FIG4: variants seen among roughly 807,000 people sequenced by gnomAD.
The protein encoded by FIG4 is FIG4 phosphoinositide 5-phosphatase.
FIG4 carries 112 observed loss-of-function variants against 118.6 expected under a neutral mutation model. The observed-to-expected ratio is 0.94, with a 90% confidence interval of 0.81 to 1.11. FIG4 has a LOEUF of 1.11. FIG4 is among the 50% of genes least tolerant of loss of function. The probability of loss-of-function intolerance (pLI) is 0.00; values close to 1 mark genes in which losing one functional copy is unlikely to be tolerated. For missense variants in FIG4, 969 were observed against 1,111.7 expected (o/e 0.87, Z 1.83); for synonymous variants, 369 against 381.2 (o/e 0.97, Z 0.37).
At chr6:109,707,788 C>A (rs1000361638) in intron 1 of FIG4, among the ~76,000 whole-genome samples, 1 of 151,938 alleles carries the variant, frequency 6.6e-6, no homozygotes, top group Non-Finnish European at 1.5e-5. Context: ...TTGATTATGG[C>A]AGTGTTTTCT....
chr6:109,782,747 C>T (rs912841715), intron 16 of FIG4, among the ~76,000 whole-genome samples: 1 of 152,202 alleles, frequency 6.6e-6, no homozygotes, highest in African/African-American at 2.4e-5. Context: ...TTTCATTCCC[C>T]TGATCTGACA....
rs750371012 is a variant in FIG4, at chr6:109,791,549, G to C, written c.2354G>C (p.Gly785Ala). Reference protein sequence around the residue: ...RSTPVKMTDAGDSAKVTENVV... With the variant: ...RSTPVKMTDAADSAKVTENVV... ...ACTCCCGTGAAGATGACTGATGCAG[G>C]AGACAGTGCCAAAGTGACCGAGGTG... The change falls in exon 20 of 23, where the codon GGA (glycine) becomes GCA (alanine). Residue 785 changes from glycine (G) to alanine (A), a missense_variant. Around this residue, in one of 3 missense-constraint regions of FIG4, gnomAD observed 330 missense variants for 348.1 expected, o/e 0.95. Transcript: ENST00000230124. 6.2e-7 allele frequency: 1 copy of C among 1,613,968 alleles called. No individual in the cohort carries two copies. The highest frequency in any genetic ancestry group is 2.2e-5 in the East Asian group (1 of 44,874).
At chr6:109,811,382 A>G (rs1197464980) in intron 22 of FIG4, among the ~76,000 whole-genome samples, 3 of 152,194 alleles carry the variant, frequency 2.0e-5, no homozygotes, top group Non-Finnish European at 2.9e-5. Flanking sequence ...TCTATCAGCA[A>G]TGTGATGGAG....
intron 22 of FIG4, among the ~76,000 whole-genome samples, chr6:109,823,910 C>T (rs1316986656): frequency 6.6e-6 from 1 of 152,190 alleles, no homozygotes; most frequent in East Asian, 1.9e-4. Context: ...TGTCATTGTG[C>T]CCCCCAGCCC....
At chr6:109,816,537 A>G (rs1027280428) in intron 22 of FIG4, among the ~76,000 whole-genome samples, 1 of 152,200 alleles carries the variant, frequency 6.6e-6, no homozygotes, top group Non-Finnish European at 1.5e-5. Context: ...GTCATGAAGT[A>G]TAGCAAATGT....
In FIG4 at chr6:109,762,157, C is replaced by G. The variant is rs1353768172; in HGVS notation, c.1338C>G (p.Phe446Leu). 2 of 1,613,470 alleles carry G rather than the reference C, an allele frequency of 1.2e-6. No individual in the cohort carries two copies. The highest frequency in any genetic ancestry group is 1.3e-5 in the African/African-American group (1 of 74,930). ...IAESVVKKTGFFVNRPDSYCS... is the reference protein window; with the variant it reads ...IAESVVKKTGLFVNRPDSYCS... The stretch of plus-strand genomic sequence containing the variant: ...AAAGTGTGGTGAAGAAAACAGGTTT[C>G]TTTGTAAACCGCCCTGATTCTTACT... The change falls in exon 12 of 23, where the codon TTC (phenylalanine) becomes TTG (leucine). Residue 446 changes from phenylalanine (F) to leucine (L), a missense_variant. Physicochemically the swap from Phe to Leu is conservative, Grantham distance 22. Coordinates refer to ENST00000230124, the MANE Select transcript of FIG4 (RefSeq NM_014845.6).
chr6:109,761,967 C>G (rs1777120366), intron 11 of FIG4, 124 bp from the exon 12 acceptor site: 6 of 683,016 alleles, frequency 8.8e-6, no homozygotes, highest in Non-Finnish European at 1.6e-5. Context: ...AAGTACCAGC[C>G]AAGAGATTTT....
intron 14 of FIG4, among the ~76,000 whole-genome samples, chr6:109,765,788 A>C (rs1476101125): frequency 6.6e-6 from 1 of 152,220 alleles, no homozygotes; most frequent in Non-Finnish European, 1.5e-5. Context: ...GATCTATGAC[A>C]GTCCATGAAG....
rs755800768 is a variant in FIG4 at position 109,791,356 on chromosome 6, C to T, written c.2181-20C>T. On this transcript the variant is annotated intron_variant, in intron 19 of 22. Transcript: ENST00000230124. ...GGGTTAGTTTAAAGATGCTTCACTT[C>T]CATATTATTCTTTTAAAAGAAACAA... 1 of 1,604,486 alleles carries T rather than the reference C, an allele frequency of 6.2e-7. No individual in the cohort carries two copies. The highest frequency in any genetic ancestry group is 8.5e-7 in the Non-Finnish European group (1 of 1,174,272).
rs2128396850 is a variant in FIG4 at position 109,789,652 on chromosome 6, G to T, written c.2155G>T (p.Asp719Tyr). Residue 719 changes from aspartate (D) to tyrosine (Y), a missense_variant, in exon 19 of 23, where the codon GAT becomes TAT. Physicochemically the swap from Asp to Tyr is radical, Grantham distance 160. Coordinates refer to ENST00000230124, the MANE Select transcript of FIG4 (RefSeq NM_014845.6). ...DPSPFTVRKP[D>Y]ETGKSVLGNK... Reference sequence around the variant, plus strand: ...AAGTCCATTTACTGTGCGTAAACCAGATGAAACTGGAAAATCAGTATTGGG... The same window carrying T: ...AAGTCCATTTACTGTGCGTAAACCATATGAAACTGGAAAATCAGTATTGGG... 12 of 1,613,138 alleles carry T rather than the reference G, an allele frequency of 7.4e-6. No homozygotes were observed. Among genetic ancestry groups the T allele is most frequent in the Non-Finnish European group, 1.0e-5 (12 of 1,179,224 alleles).
chr6:109,727,091 T>C lies in FIG4; in HGVS notation c.290-18T>C. On this transcript the variant is annotated intron_variant, in intron 3 of 22. Coordinates refer to ENST00000230124, the MANE Select transcript of FIG4 (RefSeq NM_014845.6). ...CTAAGTTTATAAAGCATATTTCTCT[T>C]TATTTTTTGTTGCATAGGTTTTGTC... The C allele has an allele frequency of 5.0e-6, 8 of 1,589,166 alleles. No individual in the cohort carries two copies. Among genetic ancestry groups the C allele is most frequent in the Non-Finnish European group, 6.0e-6 (7 of 1,157,564 alleles).
chr6:109,758,759 C>A (rs1418528453), intron 10 of FIG4, among the ~76,000 whole-genome samples: 1 of 151,888 alleles, frequency 6.6e-6, no homozygotes, highest in African/African-American at 2.4e-5. Context: ...AACAAACTTA[C>A]AAGAAAATAC....
Position 109,825,097 on chromosome 6 carries a change from C to G in FIG4, c.2556C>G (p.Ile852Met). ...CSDGVIKLTPISAFSQDNIYE... is the reference protein window; with the variant it reads ...CSDGVIKLTPMSAFSQDNIYE... The stretch of plus-strand genomic sequence containing the variant: ...TATTCATCTTTTATAGAACACCCAT[C>G]TCGGCTTTCTCGCAAGATAACATCT... The change falls in exon 23 of 23, where the codon ATC (isoleucine) becomes ATG (methionine). Residue 852 changes from isoleucine (I) to methionine (M), a missense_variant. By Grantham distance (10) the Ile-to-Met change is conservative (BLOSUM62 1). Coordinates refer to ENST00000230124, the MANE Select transcript of FIG4 (RefSeq NM_014845.6). The G allele has an allele frequency of 6.2e-7, 1 of 1,613,670 alleles. No homozygotes were observed. Among genetic ancestry groups the G allele is most frequent in the Admixed American group, 1.7e-5 (1 of 60,022 alleles).
intron 22 of FIG4, among the ~76,000 whole-genome samples, chr6:109,810,738 C>G (rs1348970958): frequency 1.3e-5 from 2 of 152,174 alleles, no homozygotes; most frequent in African/African-American, 4.8e-5. Flanking sequence ...TATTAGTGAG[C>G]AGTCCAAGTT....
intron 22 of FIG4, among the ~76,000 whole-genome samples, chr6:109,808,889 G>T (rs912141484): frequency 6.6e-6 from 1 of 151,818 alleles, no homozygotes; most frequent in Non-Finnish European, 1.5e-5. Flanking sequence ...TGATTTTTTT[G>T]ATGTATAATC....
chr6:109,707,392 T>C (rs1355618897), intron 1 of FIG4, among the ~76,000 whole-genome samples: 1 of 148,406 alleles, frequency 6.7e-6, no homozygotes, highest in Non-Finnish European at 1.5e-5. Flanking sequence ...TATACACATA[T>C]GTATACATAC....
intron 22 of FIG4, among the ~76,000 whole-genome samples, chr6:109,803,877 T>G (rs1203791232): frequency 6.6e-6 from 1 of 151,288 alleles, no homozygotes; most frequent in African/African-American, 2.4e-5. Flanking sequence ...TGTTTGATAG[T>G]TCATGTCCTT....
At chr6:109,701,772 A>G (rs1427399148) in intron 1 of FIG4, 1 of 471,384 alleles carries the variant, frequency 2.1e-6, no homozygotes, top group Non-Finnish European at 4.4e-6. Flanking sequence ...TAATCAGTGA[A>G]TGGGAGAGAG....
rs751106426 is a variant in FIG4 at position 109,765,095 on chromosome 6, C to T, written c.1517C>T (p.Ala506Val). 1 of 1,613,630 alleles carries T rather than the reference C, an allele frequency of 6.2e-7. No homozygotes were observed. The highest frequency in any genetic ancestry group is 2.2e-5 in the East Asian group (1 of 44,860). Residue 506 changes from alanine (A) to valine (V), a missense_variant, in exon 14 of 23, where the codon GCC becomes GTC. Transcript: ENST00000230124. ...AQFMVGKCAL[A>V]YQLYSLGLID... ...TTTATGGTGGGAAAATGTGCTCTGG[C>T]CTATCAGCTGTATTCACTGGGACTG...
Sources: gnomAD v4.1 joint callset for allele counts (sites outside exome capture counted in the v4.1 genomes callset) on GRCh38, gnomAD v4.1.1 for gene constraint, gnomAD v4.1.1 regional missense constraint, MANE v1.5 for transcripts, NCBI Gene and HGNC (gene_info 2026-07-23, HGNC 2026-07-21) for gene names.